SH3YL1: variants seen among roughly 807,000 people sequenced by gnomAD.
SH3YL1 encodes SH3 domain-containing YSC84-like protein 1.
Under a neutral mutation model 45.8 loss-of-function variants are expected in SH3YL1, and 41 were observed. The ratio of observed to expected loss-of-function variants is 0.89; its 90% CI spans 0.70 to 1.16. SH3YL1 has a LOEUF of 1.16. Ranked by LOEUF, SH3YL1 falls within the 50% of genes most tolerant of loss-of-function variation. SH3YL1 has a pLI of 0.00. For missense variants in SH3YL1, 389 were observed against 409.6 expected (o/e 0.95, Z 0.43); for synonymous variants, 152 against 151.4 (o/e 1.00, Z -0.03).
chr2:230,827 G>T (rs1200564303), intron 7 of SH3YL1, 196 bp downstream of exon 7: 4 of 580,538 alleles, frequency 6.9e-6, no homozygotes. Context: ...TGCAATCACA[G>T]AGGACAAATT....
chr2:225,468 C>A (rs927345917), intron 8 of SH3YL1, among the ~76,000 whole-genome samples: 1 of 152,240 alleles, frequency 6.6e-6, no homozygotes, highest in Non-Finnish European at 1.5e-5. Context: ...TATCCAGGAG[C>A]TGGAGATCTG....
rs961850948 is a variant in SH3YL1 at position 242,690 on chromosome 2, C to T, written c.291+4848G>A. The T allele has an allele frequency of 1.7e-5, 23 of 1,334,804 alleles. No homozygotes were observed. The African/African-American group carries it at 3.0e-4, about 18-fold the overall frequency. 82.7% of individuals were successfully genotyped at this position (1,334,804 alleles called of 1,614,324 possible). On this transcript the variant is annotated intron_variant, in intron 4 of 9. Transcript: ENST00000356150. ...ATTAAATGTGAATGAATTAAACAAC[C>T]AAATAAAAAGGCAGAGATTATTAGC...
At chr2:249,579 C>T (rs1013257288) in intron 3 of SH3YL1, among the ~76,000 whole-genome samples, 152 bp downstream of exon 3, 2 of 152,136 alleles carry the variant, frequency 1.3e-5, no homozygotes, top group African/African-American at 4.8e-5. Flanking sequence ...TTCACTGACA[C>T]CAAACTGCAC....
chr2:227,238 A>G (rs1667822683), intron 8 of SH3YL1, among the ~76,000 whole-genome samples: 1 of 152,136 alleles, frequency 6.6e-6, no homozygotes, highest in Non-Finnish European at 1.5e-5. Flanking sequence ...AAGTAGTAAA[A>G]ACTTTTGAAA....
intron 9 of SH3YL1, among the ~76,000 whole-genome samples, chr2:220,182 A>G (rs1476434046): frequency 9.3e-6 from 1 of 107,456 alleles, no homozygotes; most frequent in Non-Finnish European, 1.9e-5. Context: ...ATTTGAACCC[A>G]TAATACAATA....
chr2:227,552 C>T (rs1457567728), intron 8 of SH3YL1, among the ~76,000 whole-genome samples: 4 of 151,904 alleles, frequency 2.6e-5, no homozygotes, highest in Admixed American at 6.6e-5. Context: ...TTGAGCAAAA[C>T]AAACCAACAA....
At chr2:259,934 G>C (rs1414942638) in intron 1 of SH3YL1, 2 of 151,790 alleles carry the variant, frequency 1.3e-5, no homozygotes, top group Non-Finnish European at 2.9e-5. Context: ...TAGTGGAAAA[G>C]ACCCAAGTAT....
chr2:257,818 T>C (rs962872358), intron 1 of SH3YL1, among the ~76,000 whole-genome samples: 3 of 152,244 alleles, frequency 2.0e-5, no homozygotes, highest in Admixed American at 6.5e-5. Flanking sequence ...CCATCTTGAA[T>C]TGTTTTTTTG....
intron 1 of SH3YL1, chr2:263,632 C>T (rs1669701788): frequency 3.8e-6 from 1 of 260,526 alleles, no homozygotes; most frequent in Non-Finnish European, 7.3e-6. Flanking sequence ...TCCAAGCGCG[C>T]GCATTCGACC....
Position 247,591 on chromosome 2 carries a change from G to T in SH3YL1, c.238C>A (p.Pro80Thr), listed in dbSNP as rs1195007404. 2 of 1,550,980 alleles carry T rather than the reference G, an allele frequency of 1.3e-6. No individual in the cohort carries two copies. Among genetic ancestry groups the T allele is most frequent in the Admixed American group, 2.0e-5 (1 of 50,824 alleles). The change falls in exon 4 of 10, where the codon CCC becomes ACC. Residue 80 changes from proline (P) to threonine (T), a missense_variant. Transcript: ENST00000356150. ...AGGCCAGCTATCCCAATGGCTGAGGGTGCAGACCATTCTAATAAAAAAACA... is the reference window on the plus strand; with the variant it reads ...AGGCCAGCTATCCCAATGGCTGAGGTTGCAGACCATTCTAATAAAAAAACA... ...ARLPDGKWSA[P>T]SAIGIAGLGG...
chr2:248,734 C>T (rs964461290), intron 3 of SH3YL1, among the ~76,000 whole-genome samples: 3 of 152,192 alleles, frequency 2.0e-5, no homozygotes, highest in Non-Finnish European at 4.4e-5. Flanking sequence ...TCCCATCTGA[C>T]AATGGGCTCC....
intron 3 of SH3YL1, among the ~76,000 whole-genome samples, chr2:248,959 G>T (rs1045116210): frequency 1.3e-5 from 2 of 152,106 alleles, no homozygotes; most frequent in Non-Finnish European, 2.9e-5. Flanking sequence ...CTATTTCAAG[G>T]CCATATATTT....
chr2:264,099 A>G, upstream of SH3YL1: 2 of 1,325,356 alleles, frequency 1.5e-6, no homozygotes, highest in Admixed American at 3.9e-5. Context: ...GCAGGTGACG[A>G]AGGAGGCGGC....
chr2:256,990 C>CT (rs1275831768), intron 1 of SH3YL1, among the ~76,000 whole-genome samples: 3 of 152,178 alleles, frequency 2.0e-5, no homozygotes, highest in African/African-American at 7.2e-5. Flanking sequence ...ATGTTGAACA[C>CT]TTTTTCCTAT....
At position 224,825 on chromosome 2, in the gene SH3YL1, A is replaced by T. The variant is rs372235649; in HGVS notation, c.838+39T>A. 5.0e-5 allele frequency: 72 copies of T among 1,442,862 alleles called. No homozygotes were observed. The African/African-American group carries it at 8.7e-4, about 17-fold the overall frequency. 89.4% of individuals were successfully genotyped at this position (1,442,862 alleles called of 1,614,324 possible). A position where few individuals can be genotyped will look rare whatever the true frequency, so the allele number is the denominator to read the frequency against. On this transcript the variant is annotated intron_variant, in intron 9 of 9. Transcript: ENST00000356150. ...TTAGGAAGTTTGTGATCACAAAATG[A>T]ATATGAATCATTTATAACATATAGA...
At chr2:261,219 TC>T (rs1669576741) in intron 1 of SH3YL1, 1 of 152,240 alleles carries the variant, frequency 6.6e-6, no homozygotes, top group Non-Finnish European at 1.5e-5. Context: ...CACCCATTTT[TC>T]CTCTGCTGTA....
intron 9 of SH3YL1, among the ~76,000 whole-genome samples, chr2:223,823 C>T (rs558113904): frequency 1.1e-3 from 173 of 152,282 alleles, no homozygotes; most frequent in African/African-American, 4.0e-3. Context: ...CCATACAGGA[C>T]TCTAGGAGCA....
At chr2:248,296 G>A (rs903889126) in intron 3 of SH3YL1, among the ~76,000 whole-genome samples, 1 of 152,018 alleles carries the variant, frequency 6.6e-6, no homozygotes, top group Non-Finnish European at 1.5e-5. Flanking sequence ...GGATGGTCTG[G>A]CCAAAGCACT....
At chr2:261,051 TG>T (rs1669569042) in intron 1 of SH3YL1, 2 of 152,236 alleles carry the variant, frequency 1.3e-5, no homozygotes, top group Non-Finnish European at 2.9e-5. Flanking sequence ...GTGTGTCAGC[TG>T]AACTACAGAA....
Sources: allele counts gnomAD v4.1 joint callset (sites outside exome capture counted in the v4.1 genomes callset), GRCh38; gene constraint gnomAD v4.1.1; transcripts MANE v1.5; gene names NCBI Gene and HGNC (gene_info 2026-07-23, HGNC 2026-07-21).